Variants in INAVA observed in about 807,000 individuals in gnomAD.
INAVA encodes innate immunity activator.
INAVA carries 32 observed loss-of-function variants against 55.3 expected under a neutral mutation model. The ratio of observed to expected loss-of-function variants is 0.58; its 90% CI spans 0.44 to 0.78. The LOEUF is 0.78. Ranked by LOEUF, INAVA falls within the 30% of genes least tolerant of loss-of-function variation. The probability of loss-of-function intolerance (pLI) is 0.00; values close to 1 mark genes in which losing one functional copy is unlikely to be tolerated. For missense variants in INAVA, 756 were observed against 786.4 expected, an observed-to-expected ratio of 0.96 and a Z score of 0.46; for synonymous variants, 294 against 329.4, an observed-to-expected ratio of 0.89 and a Z score of 1.16.
chr1:200,891,995 G>A (rs1035820602), upstream of INAVA, among the ~76,000 whole-genome samples: 1 of 152,214 alleles, frequency 6.6e-6, no homozygotes, highest in African/African-American at 2.4e-5. Context: ...AGGGCGCAGT[G>A]GGGGAGGGGA....
intron 6 of INAVA, chr1:200,908,416 T>G: frequency 7.6e-6 from 2 of 263,850 alleles, no homozygotes. Context: ...ACAAGAAAAA[T>G]AGGTAAACAA....
At chr1:200,897,604 T>C (rs910415308) in intron 1 of INAVA, among the ~76,000 whole-genome samples, 2 of 152,142 alleles carry the variant, frequency 1.3e-5, no homozygotes, top group Admixed American at 6.5e-5. Flanking sequence ...AGGATAGCTG[T>C]GTCCCATAAA....
At chr1:200,893,527 G>A (rs577391204), upstream of INAVA, among the ~76,000 whole-genome samples, 1 of 152,162 alleles carries the variant, frequency 6.6e-6, no homozygotes, top group Admixed American at 6.5e-5. Context: ...GGGACGGTGT[G>A]TCACGGAGGA....
chr1:200,900,984 C>A lies in INAVA; in HGVS notation c.345C>A (p.Ile115=). 6.4e-7 allele frequency: 1 copy of A among 1,556,380 alleles called. No individual in the cohort carries two copies. The highest frequency in any genetic ancestry group is 8.7e-7 in the Non-Finnish European group (1 of 1,149,766). ...LERQLALQLQ[I]TEAARRLCLE... ...GCCAGCTGGCCCTGCAGCTGCAGATCACAGAGGCAGCCCGTCGGCTGTGCC... is the reference window on the plus strand; with the variant it reads ...GCCAGCTGGCCCTGCAGCTGCAGATAACAGAGGCAGCCCGTCGGCTGTGCC... The change falls in exon 5 of 10, where the codon ATC becomes ATA. Residue 115 remains isoleucine, a synonymous_variant. Transcript: ENST00000413687.
intron 7 of INAVA, 68 bp from the exon 8 acceptor site, chr1:200,909,156 C>T: frequency 2.1e-6 from 3 of 1,461,752 alleles, no homozygotes; most frequent in Non-Finnish European, 2.7e-6. Context: ...CATCCCCATT[C>T]TTCTGCACCT....
intron 4 of INAVA, 90 bp downstream of exon 4, chr1:200,900,310 C>T (rs1653188310): frequency 8.8e-7 from 1 of 1,142,780 alleles, no homozygotes; most frequent in Non-Finnish European, 1.3e-6. Context: ...CTGGCAGGTT[C>T]CCTTCCACCC....
At chr1:200,891,990 G>T (rs1668247641), upstream of INAVA, among the ~76,000 whole-genome samples, 1 of 152,182 alleles carries the variant, frequency 6.6e-6, no homozygotes, top group African/African-American at 2.4e-5. Flanking sequence ...TGTGGAGGGC[G>T]CAGTGGGGGA....
At chr1:200,908,994 G>A (rs1653609032) in intron 7 of INAVA, 54 bp downstream of exon 7, 3 of 1,550,674 alleles carry the variant, frequency 1.9e-6, no homozygotes, top group African/African-American at 2.7e-5. Context: ...GTCGGTGGGA[G>A]CTATGCTGGG....
At chr1:200,901,843 G>C (rs963456600) in intron 5 of INAVA, among the ~76,000 whole-genome samples, 3 of 152,146 alleles carry the variant, frequency 2.0e-5, no homozygotes, top group Non-Finnish European at 4.4e-5. Context: ...TGGCCGTGGG[G>C]GCACCTAGTG....
intron 9 of INAVA, 62 bp from the exon 10 acceptor site, chr1:200,913,475 G>A: frequency 7.6e-7 from 1 of 1,308,668 alleles, no homozygotes; most frequent in Non-Finnish European, 1.1e-6. Flanking sequence ...AACTGTGCCT[G>A]CTGTCCCCGC....
At chr1:200,899,327 G>A in intron 2 of INAVA, 146 bp from the exon 3 acceptor site, 1 of 1,222,436 alleles carries the variant, frequency 8.2e-7, no homozygotes, top group East Asian at 2.4e-5. Context: ...GGCCACAGCA[G>A]CCAGCCTGCA....
chr1:200,896,057 A>G (rs1668343229), intron 1 of INAVA, among the ~76,000 whole-genome samples: 1 of 152,088 alleles, frequency 6.6e-6, no homozygotes, highest in Admixed American at 6.5e-5. Context: ...GAGAAGGGGA[A>G]GCTGGCGGAG....
intron 5 of INAVA, among the ~76,000 whole-genome samples, chr1:200,902,094 G>C (rs771979047): frequency 6.6e-6 from 1 of 152,188 alleles, no homozygotes; most frequent in Admixed American, 6.5e-5. Context: ...AGAGGGAACC[G>C]GGAGGGAATG....
At chr1:200,900,713 G>T (rs896415816) in intron 4 of INAVA, among the ~76,000 whole-genome samples, 1 of 152,214 alleles carries the variant, frequency 6.6e-6, no homozygotes, top group African/African-American at 2.4e-5. Flanking sequence ...TGGGCTGGTG[G>T]GTGGGTGCCC....
rs748645056 is a variant in INAVA at position 200,911,750 on chromosome 1, C to T, written c.1257C>T (p.Val419=). The T allele has an allele frequency of 1.2e-6, 2 of 1,611,602 alleles. No homozygotes were observed. Among genetic ancestry groups the T allele is most frequent in the Non-Finnish European group, 1.7e-6 (2 of 1,178,522 alleles). Reference sequence around the variant, plus strand: ...TCCCAGCCGGCAGCAGAGAGCTGGTCGCCCACCACCCCAAGCTACTGCTGC... The same window carrying T: ...TCCCAGCCGGCAGCAGAGAGCTGGTTGCCCACCACCCCAAGCTACTGCTGC... ...AWVPAGSREL[V]AHHPKLLLPP... is the part of the protein sequence containing the mutation. Residue 419 remains valine, a synonymous_variant, in exon 9 of 10, where the codon GTC becomes GTT. Coordinates refer to ENST00000413687, the MANE Select transcript of INAVA (RefSeq NM_001142569.3).
In INAVA at chr1:200,894,900, G is replaced by A. The variant is rs1050069787; in HGVS notation, c.-282G>A. On this transcript the variant is annotated 5_prime_UTR_variant, in exon 1 of 10. Transcript: ENST00000413687. ...ACAAGTAACCTGGTTCCCCTGGCCC[G>A]GCAGCCTGGGAGGGACGGCAAGGTA... is the stretch of plus-strand genomic sequence containing the variant. The A allele has an allele frequency of 1.0e-5, 10 of 985,670 alleles. No homozygotes were observed. Among genetic ancestry groups the A allele is most frequent in the Admixed American group, 1.2e-4 (2 of 16,262 alleles). The allele number at this position is 985,670 out of a possible 1,614,324, so 61.1% of individuals were successfully genotyped here.
At chr1:200,901,732 A>T (rs1653263303) in intron 5 of INAVA, among the ~76,000 whole-genome samples, 1 of 152,186 alleles carries the variant, frequency 6.6e-6, no homozygotes, top group Non-Finnish European at 1.5e-5. Context: ...CCCCTTAAGT[A>T]TCTACAACCA....
chr1:200,905,730 A>T (rs1237241352), intron 5 of INAVA, among the ~76,000 whole-genome samples: 1 of 152,254 alleles, frequency 6.6e-6, no homozygotes, highest in East Asian at 1.9e-4. Context: ...GTGTTCCAAT[A>T]AACATTTATT....
chr1:200,896,651 C>T (rs1668357755), intron 1 of INAVA, among the ~76,000 whole-genome samples: 1 of 152,180 alleles, frequency 6.6e-6, no homozygotes, highest in Non-Finnish European at 1.5e-5. Flanking sequence ...ATTGTTGCTG[C>T]CTGTGGTTGC....
Sources: gnomAD v4.1 joint callset for allele counts (sites outside exome capture counted in the v4.1 genomes callset) on GRCh38, gnomAD v4.1.1 for gene constraint, MANE v1.5 for transcripts, NCBI Gene and HGNC (gene_info 2026-07-23, HGNC 2026-07-21) for gene names.